Variants in KIF20B observed in about 807,000 individuals in gnomAD.
KIF20B encodes the protein kinesin family member 20B, also known as kinesin-like protein KIF20B.
KIF20B carries 188 observed loss-of-function variants against 232.5 expected under a neutral mutation model. That is an observed-to-expected ratio of 0.81 (90% CI 0.72 to 0.91). KIF20B has a LOEUF of 0.91. KIF20B is among the 40% of genes least tolerant of loss of function. KIF20B has a pLI of 0.00. For missense variants in KIF20B, 2,154 were observed against 2,055.9 expected, an observed-to-expected ratio of 1.05 and a Z score of -0.92; for synonymous variants, 712 against 683.0, an observed-to-expected ratio of 1.04 and a Z score of -0.66.
chr10:89,728,676 T>A, intron 17 of KIF20B, among the ~76,000 whole-genome samples: 1 of 152,056 alleles, frequency 6.6e-6, no homozygotes, highest in Non-Finnish European at 1.5e-5. Flanking sequence ...CTGATTTTTG[T>A]ATTTTTCAGT....
intron 32 of KIF20B, 35 bp downstream of exon 32, chr10:89,772,866 C>G (rs755363355): frequency 1.3e-6 from 2 of 1,547,934 alleles, no homozygotes. Context: ...CAATGTAGAA[C>G]TGTTCGTGTT....
At chr10:89,736,163 T>G (rs1240530630) in intron 19 of KIF20B, among the ~76,000 whole-genome samples, 1 of 152,046 alleles carries the variant, frequency 6.6e-6, no homozygotes, top group Non-Finnish European at 1.5e-5. Flanking sequence ...CATCAAACCA[T>G]GAAGTATAAC....
At chr10:89,760,442 T>G (rs1407220149) in intron 27 of KIF20B, 84 bp from the exon 28 acceptor site, 1 of 821,900 alleles carries the variant, frequency 1.2e-6, no homozygotes, top group Non-Finnish European at 2.0e-6. Flanking sequence ...ATACAAATCT[T>G]GATTTTATAT....
intron 20 of KIF20B, 124 bp from the exon 21 acceptor site, chr10:89,738,834 T>C: frequency 8.2e-7 from 1 of 1,225,590 alleles, no homozygotes; most frequent in Non-Finnish European, 1.1e-6. Flanking sequence ...AAGAACTCAT[T>C]CATAGTTTGG....
chr10:89,723,502 C>G (rs1843112098), intron 13 of KIF20B: 1 of 152,230 alleles, frequency 6.6e-6, no homozygotes, highest in Non-Finnish European at 1.5e-5. Flanking sequence ...AGCAACTTCT[C>G]TGGTGTATGC....
chr10:89,706,431 TTTC>T (rs1234949572), intron 2 of KIF20B, among the ~76,000 whole-genome samples: 1 of 152,132 alleles, frequency 6.6e-6, no homozygotes, highest in African/African-American at 2.4e-5. Context: ...AACATTTTCT[TTTC>T]TTCTTTGGTG....
chr10:89,709,941 A>G lies in KIF20B; in HGVS notation c.366A>G (p.Ala122=), dbSNP rs1213484226. 1.3e-6 allele frequency: 2 copies of G among 1,583,540 alleles called. No individual in the cohort carries two copies. The highest frequency in any genetic ancestry group is 1.7e-6 in the Non-Finnish European group (2 of 1,170,008). The change falls in exon 5 of 33, where the codon GCA becomes GCG. Residue 122 remains alanine, a synonymous_variant. Transcript: ENST00000371728. The part of the protein sequence containing the change: ...KFSFSKVFGP[A]TTQKEFFQGC... ...TGTTTGCTTAGGTTTTTGGCCCAGC[A>G]ACTACACAGAAGGAATTCTTTCAGG...
rs755673341 is a variant in KIF20B at position 89,737,504 on chromosome 10, G to C, written c.2663G>C (p.Arg888Thr). Reference sequence around the variant, plus strand: ...TTACAAGAAAATAATGAAGGACTGAGAGCATTTTTACTCACTATTGAGAAT... The same window carrying C: ...TTACAAGAAAATAATGAAGGACTGACAGCATTTTTACTCACTATTGAGAAT... ...RVLQENNEGL[R>T]AFLLTIENEL... The change falls in exon 20 of 33, where the codon AGA becomes ACA. Residue 888 changes from arginine to threonine, a missense_variant. Arg to Thr is a moderately conservative substitution (Grantham distance 71). Coordinates refer to ENST00000371728, the MANE Select transcript of KIF20B (RefSeq NM_001284259.2). 2 of 1,610,766 alleles carry C rather than the reference G, an allele frequency of 1.2e-6. No individual in the cohort carries two copies. The highest frequency in any genetic ancestry group is 1.7e-6 in the Non-Finnish European group (2 of 1,178,414).
At chr10:89,721,011 A>G (rs551689548) in intron 13 of KIF20B, among the ~76,000 whole-genome samples, 5 of 152,074 alleles carry the variant, frequency 3.3e-5, no homozygotes, top group African/African-American at 1.2e-4. Context: ...CTGGCCACCT[A>G]TTCCCATCTT....
intron 23 of KIF20B, among the ~76,000 whole-genome samples, chr10:89,749,855 CTT>C (rs1246248762): frequency 5.3e-5 from 8 of 151,986 alleles, no homozygotes; most frequent in Non-Finnish European, 2.9e-5. Flanking sequence ...TTTGGGTAAA[CTT>C]ATAGTTTTAA....
Position 89,732,910 on chromosome 10 carries a change from C to T in KIF20B, c.2399C>T (p.Ala800Val). Residue 800 changes from alanine (A) to valine (V), a missense_variant, in exon 19 of 33, where the codon GCT becomes GTT. Physicochemically the swap from Ala to Val is moderately conservative, Grantham distance 64. Coordinates refer to ENST00000371728, the MANE Select transcript of KIF20B (RefSeq NM_001284259.2). ...MENTFKCNDK[A>V]DTSSLIINNK... ...TAACTTATTTTGCTTTAGGACAAGG[C>T]TGATACATCTTCTTTAATAATAAAC... 6.3e-7 allele frequency: 1 copy of T among 1,592,922 alleles called. No homozygotes were observed. Among genetic ancestry groups the T allele is most frequent in the Non-Finnish European group, 8.6e-7 (1 of 1,168,810 alleles).
intron 18 of KIF20B, among the ~76,000 whole-genome samples, chr10:89,730,438 C>A (rs1000166952): frequency 1.3e-5 from 2 of 152,002 alleles, no homozygotes; most frequent in African/African-American, 4.8e-5. Context: ...AGTTATAATA[C>A]AATGTGCAGT....
intron 30 of KIF20B, 117 bp from the exon 31 acceptor site, chr10:89,768,621 A>C: frequency 9.8e-7 from 1 of 1,019,886 alleles, no homozygotes; most frequent in East Asian, 2.6e-5. Context: ...TACATACTTA[A>C]AGTTTCCTAC....
chr10:89,740,847 T>G (rs1196767407), intron 21 of KIF20B, among the ~76,000 whole-genome samples: 1 of 152,060 alleles, frequency 6.6e-6, no homozygotes, highest in Non-Finnish European at 1.5e-5. Context: ...ATTGTATTGT[T>G]AAAGTCTTTT....
chr10:89,766,573 G>A (rs1265092257), intron 29 of KIF20B: 1 of 152,074 alleles, frequency 6.6e-6, no homozygotes. Context: ...GGGAGAAAGG[G>A]TATCAGTAAT....
Position 89,732,962 on chromosome 10 carries a change from T to C in KIF20B, c.2451T>C (p.Val817=), listed in dbSNP as rs369601964. The C allele has an allele frequency of 1.2e-6, 2 of 1,611,776 alleles. No homozygotes were observed. Among genetic ancestry groups the C allele is most frequent in the African/African-American group, 2.7e-5 (2 of 74,842 alleles). The change falls in exon 19 of 33, where the codon GTT becomes GTC. Residue 817 remains valine, a synonymous_variant. Coordinates refer to ENST00000371728, the MANE Select transcript of KIF20B (RefSeq NM_001284259.2). ...ATAAATTGATTTGTAATGAAACAGT[T>C]GAAGTACCTAAGGACAGCAAATCTA... The part of the protein sequence containing the change: ...INNKLICNET[V]EVPKDSKSKI...
chr10:89,747,028 G>A (rs1384753534), intron 23 of KIF20B, among the ~76,000 whole-genome samples: 1 of 152,198 alleles, frequency 6.6e-6, no homozygotes, highest in African/African-American at 2.4e-5. Flanking sequence ...GGACGAAATT[G>A]TGTAAAGAAT....
chr10:89,710,140 A>G, intron 5 of KIF20B, 75 bp downstream of exon 5: 11 of 1,285,354 alleles, frequency 8.6e-6, no homozygotes, highest in Non-Finnish European at 1.1e-5. Flanking sequence ...TAATACATAC[A>G]TGTAGTTATG....
At chr10:89,770,936 ACT>A (rs1365558312) in intron 31 of KIF20B, among the ~76,000 whole-genome samples, 1 of 151,570 alleles carries the variant, frequency 6.6e-6, no homozygotes, top group African/African-American at 2.4e-5. Context: ...CTGATTTCTG[ACT>A]CTCTCCAATC....
Sources: allele counts gnomAD v4.1 joint callset (sites outside exome capture counted in the v4.1 genomes callset), GRCh38; gene constraint gnomAD v4.1.1; transcripts MANE v1.5; gene names NCBI Gene and HGNC (gene_info 2026-07-23, HGNC 2026-07-21).